The following TRPM7 variants were observed in gnomAD, a reference collection of about 807,000 sequenced individuals.
TRPM7 encodes the protein LTRPC ion channel family member 7.
A neutral mutation model predicts 229.7 loss-of-function variants in TRPM7; 134 were observed. The observed-to-expected ratio is 0.58, with a 90% CI of 0.51 to 0.67. The LOEUF is 0.67. TRPM7 is among the 30% of genes least tolerant of loss of function. The pLI, the probability that TRPM7 is intolerant of heterozygous loss-of-function variation, is 0.00. For synonymous variants in TRPM7, 699 were observed against 715.2 expected, an observed-to-expected ratio of 0.98 and a Z score of 0.36; for missense variants, 1,901 against 2,210.0, an observed-to-expected ratio of 0.86 and a Z score of 2.80.
Position 50,595,325 on chromosome 15 carries a change from C to A in TRPM7, c.3291-712G>T, listed in dbSNP as rs530195393. Among the ~76,000 whole-genome samples, 121 of 151,244 alleles carry A rather than the reference C, an allele frequency of 8.0e-4. 1 individual carries two copies. The highest frequency in any genetic ancestry group is 2.9e-3 in the African/African-American group (118 of 41,178). ...TGCAAAAGCCCTAAAAGTACATATACTGAACAGCCCTGCTTTTAGAAAAAC... is the reference window on the plus strand; with the variant it reads ...TGCAAAAGCCCTAAAAGTACATATAATGAACAGCCCTGCTTTTAGAAAAAC... On this transcript the variant is annotated intron_variant, in intron 23 of 38. Transcript: ENST00000646667.
intron 30 of TRPM7, 144 bp downstream of exon 30, chr15:50,580,730 A>G: frequency 3.3e-6 from 2 of 613,732 alleles, no homozygotes; most frequent in Non-Finnish European, 5.3e-6. Flanking sequence ...CCCTAATCTC[A>G]TCTATGTGAA....
intron 36 of TRPM7, among the ~76,000 whole-genome samples, chr15:50,571,204 C>A (rs551658078): frequency 6.6e-6 from 1 of 152,290 alleles, no homozygotes; most frequent in South Asian, 2.1e-4. Context: ...TTCCATCCAA[C>A]AGAATGGCAA....
chr15:50,642,541 T>C (rs1029048036), intron 5 of TRPM7, among the ~76,000 whole-genome samples: 1 of 152,204 alleles, frequency 6.6e-6, no homozygotes, highest in South Asian at 2.1e-4. Context: ...TCTCCCAAGA[T>C]CTGATGGCTT....
chr15:50,571,113 T>C (rs1372472077), intron 36 of TRPM7, among the ~76,000 whole-genome samples: 1 of 152,154 alleles, frequency 6.6e-6, no homozygotes, highest in Admixed American at 6.5e-5. Flanking sequence ...TAATCACAAA[T>C]ATTTAACCCA....
Position 50,607,224 on chromosome 15 carries a change from A to C in TRPM7, c.2685T>G (p.Thr895=), listed in dbSNP as rs1483648337. Residue 895 remains threonine, a synonymous_variant, in exon 20 of 39, where the codon ACT becomes ACG. Transcript: ENST00000646667. Reference sequence around the variant, plus strand: ...CCTCACGGACTTTCTCAATGGCATAAGTAAAAATATAAGCAATAACAATCC... The same window carrying C: ...CCTCACGGACTTTCTCAATGGCATACGTAAAAATATAAGCAATAACAATCC... ...QEWIVIAYIF[T]YAIEKVREIF... 1.9e-6 allele frequency: 3 copies of C among 1,610,664 alleles called. No individual in the cohort carries two copies. In the East Asian group the frequency reaches 6.7e-5, roughly 36 times the overall value.
chr15:50,628,009 T>A lies in TRPM7; in HGVS notation c.1305+140A>T, dbSNP rs532991477. 8.0e-6 allele frequency: 5 copies of A among 628,380 alleles called. No homozygotes were observed. In the African/African-American group the frequency reaches 9.3e-5, roughly 12 times the overall value. 38.9% of individuals were successfully genotyped at this position (628,380 alleles called of 1,614,324 possible). On this transcript the variant is annotated intron_variant, in intron 11 of 38. Transcript: ENST00000646667. Reference sequence around the variant, plus strand: ...CATTAAATCCTAAACTGGATCGGAATGGTGTAGAAATACTTAGCTAAACTA... The same window carrying A: ...CATTAAATCCTAAACTGGATCGGAAAGGTGTAGAAATACTTAGCTAAACTA...
intron 38 of TRPM7, among the ~76,000 whole-genome samples, chr15:50,567,675 C>A (rs947522213): frequency 1.4e-4 from 21 of 151,784 alleles, no homozygotes; most frequent in African/African-American, 4.8e-4. Flanking sequence ...TTAAAAAAAT[C>A]AATCGATGTA....
intron 12 of TRPM7, among the ~76,000 whole-genome samples, chr15:50,622,959 C>T (rs372470818): frequency 2.6e-5 from 4 of 152,114 alleles, no homozygotes; most frequent in Non-Finnish European, 2.9e-5. Context: ...AAGGGAAAGA[C>T]ATAATAATTG....
At position 50,566,747 on chromosome 15, in the gene TRPM7, T is replaced by G. The variant is rs180852142; in HGVS notation, c.5467+3140A>C. 7.8e-3 allele frequency among the ~76,000 whole-genome samples: 1,179 copies of G among 152,064 alleles called. 7 individuals are homozygous for G. The highest frequency in any genetic ancestry group is 0.017 in the South Asian group (82 of 4,810). ...AGAATCAATAATCTAAGTTTCTACT[T>G]TAATAAACTAGAAAAAGAACAAACT... On this transcript the variant is annotated intron_variant, in intron 38 of 38. Coordinates refer to ENST00000646667, the MANE Select transcript of TRPM7 (RefSeq NM_017672.6).
rs577965531 is a variant in TRPM7 at position 50,572,412 on chromosome 15, C to A, written c.5308+1862G>T. ...GAAAAAGACTACAACTTGATGAAGG[C>A]TTAGATAATTCTTACTATTTTTTAA... On this transcript the variant is annotated intron_variant, in intron 36 of 38. Coordinates refer to ENST00000646667, the MANE Select transcript of TRPM7 (RefSeq NM_017672.6). Among the ~76,000 whole-genome samples the A allele has an allele frequency of 3.9e-4, 60 of 152,304 alleles. 1 individual carries two copies. The highest frequency in any genetic ancestry group is 1.3e-3 in the African/African-American group (56 of 41,566).
intron 9 of TRPM7, among the ~76,000 whole-genome samples, chr15:50,631,829 C>T (rs946949177): frequency 1.1e-4 from 17 of 151,990 alleles, no homozygotes; most frequent in Non-Finnish European, 1.9e-4. Flanking sequence ...GCTATAGATT[C>T]CTTATCAGGG....
intron 4 of TRPM7, among the ~76,000 whole-genome samples, chr15:50,645,907 C>T (rs2061248927): frequency 6.6e-6 from 1 of 152,032 alleles, no homozygotes; most frequent in African/African-American, 2.4e-5. Flanking sequence ...GTAATCCCAG[C>T]ACTTTGGGAG....
intron 3 of TRPM7, 81 bp downstream of exon 3, chr15:50,657,700 A>C: frequency 8.0e-7 from 1 of 1,252,962 alleles, no homozygotes; most frequent in South Asian, 1.3e-5. Context: ...GTTTCATGCC[A>C]CTGTGTTCTA....
intron 20 of TRPM7, among the ~76,000 whole-genome samples, chr15:50,606,361 A>G (rs2059919253): frequency 6.6e-6 from 1 of 151,334 alleles, no homozygotes; most frequent in Non-Finnish European, 1.5e-5. Flanking sequence ...CCTGGGTCAC[A>G]GAGGGAGACT....
At chr15:50,618,432 T>C (rs1567020453) in intron 13 of TRPM7, among the ~76,000 whole-genome samples, 3 of 151,880 alleles carry the variant, frequency 2.0e-5, no homozygotes, top group Non-Finnish European at 4.4e-5. Context: ...TAGCCAGGCG[T>C]GGTGGCAGGT....
At chr15:50,609,082 T>C (rs971150127) in intron 19 of TRPM7, among the ~76,000 whole-genome samples, 2 of 152,194 alleles carry the variant, frequency 1.3e-5, no homozygotes, top group African/African-American at 4.8e-5. Flanking sequence ...AAAAGCCAAT[T>C]ATATGGAAGG....
chr15:50,649,600 A>C (rs181325633), intron 3 of TRPM7, among the ~76,000 whole-genome samples: 7 of 152,316 alleles, frequency 4.6e-5, no homozygotes, highest in Admixed American at 3.9e-4. Flanking sequence ...TTCCACGTAT[A>C]CAAAATTCAA....
chr15:50,680,842 C>A (rs1178202490), intron 1 of TRPM7, among the ~76,000 whole-genome samples: 1 of 152,160 alleles, frequency 6.6e-6, no homozygotes, highest in African/African-American at 2.4e-5. Context: ...AGGTCAACAC[C>A]TACTCTACCA....
intron 10 of TRPM7, 69 bp downstream of exon 10, chr15:50,631,348 A>G: frequency 1.2e-6 from 1 of 829,770 alleles, no homozygotes; most frequent in South Asian, 2.0e-5. Flanking sequence ...ACACATATAC[A>G]CACATACACA....
Sources: allele counts gnomAD v4.1 joint callset (sites outside exome capture counted in the v4.1 genomes callset), GRCh38; gene constraint gnomAD v4.1.1; transcripts MANE v1.5; gene names NCBI Gene and HGNC (gene_info 2026-07-23, HGNC 2026-07-21).